RYR2: variants seen among roughly 807,000 people sequenced by gnomAD.
The protein encoded by RYR2 is ryanodine receptor 2.
In RYR2, 227 loss-of-function variants were observed where a neutral mutation model predicts 601.1. The ratio of observed to expected loss-of-function variants is 0.38; its 90% CI spans 0.34 to 0.42. The LOEUF (loss-of-function observed/expected upper bound fraction) is 0.42. Among genes scored for constraint, RYR2 ranks in the 10% least tolerant of loss-of-function variants. RYR2 has a pLI of 1.00. For missense variants in RYR2, 4,646 were observed against 6,156.5 expected (o/e 0.75, Z 8.21); for synonymous variants, 2,223 against 2,175.1 (o/e 1.02, Z -0.61).
At chr1:237,211,891 C>A (rs1682621198) in intron 1 of RYR2, among the ~76,000 whole-genome samples, 1 of 152,094 alleles carries the variant, frequency 6.6e-6, no homozygotes, top group Non-Finnish European at 1.5e-5. Flanking sequence ...GAGGTGTCAC[C>A]TTTATGGTGG....
intron 10 of RYR2, among the ~76,000 whole-genome samples, chr1:237,392,848 C>A (rs1371278050): frequency 6.6e-6 from 1 of 152,064 alleles, no homozygotes; most frequent in Non-Finnish European, 1.5e-5. Flanking sequence ...AATGTCGAAA[C>A]TTTTTATTGA....
chr1:237,109,362 G>A (rs1055210949), intron 1 of RYR2, among the ~76,000 whole-genome samples: 1 of 151,528 alleles, frequency 6.6e-6, no homozygotes, highest in Admixed American at 6.6e-5. Flanking sequence ...TTTTAAGTTG[G>A]CAAAGAATAT....
At chr1:237,213,707 T>C (rs1682836276) in intron 1 of RYR2, among the ~76,000 whole-genome samples, 1 of 151,978 alleles carries the variant, frequency 6.6e-6, no homozygotes, top group Non-Finnish European at 1.5e-5. Context: ...TATAGTGTGG[T>C]GCTTTTACAT....
chr1:237,245,970 T>C (rs1458445471), intron 1 of RYR2, among the ~76,000 whole-genome samples: 1 of 151,948 alleles, frequency 6.6e-6, no homozygotes, highest in East Asian at 1.9e-4. Flanking sequence ...TTAGTAGAAA[T>C]GGGGTTTCCC....
At chr1:237,156,960 T>G (rs1295963681) in intron 1 of RYR2, among the ~76,000 whole-genome samples, 1 of 152,110 alleles carries the variant, frequency 6.6e-6, no homozygotes, top group Non-Finnish European at 1.5e-5. Context: ...GTACAGCCAC[T>G]GTGGAGAACA....
chr1:237,199,753 A>G (rs1429279854), intron 1 of RYR2, among the ~76,000 whole-genome samples: 1 of 152,232 alleles, frequency 6.6e-6, no homozygotes, highest in African/African-American at 2.4e-5. Flanking sequence ...ATATGGTTGC[A>G]TAAATTCTCA....
chr1:237,584,092 G>T (rs1674232519), intron 29 of RYR2, among the ~76,000 whole-genome samples: 1 of 152,180 alleles, frequency 6.6e-6, no homozygotes, highest in African/African-American at 2.4e-5. Flanking sequence ...TCTGTTATTT[G>T]CAGGGTGTCA....
chr1:237,370,561 G>A (rs548603929), intron 6 of RYR2, among the ~76,000 whole-genome samples: 238 of 152,228 alleles, frequency 1.6e-3, no homozygotes, highest in African/African-American at 5.6e-3. Context: ...GGTAGAGGGG[G>A]AAGAACATCT....
intron 22 of RYR2, among the ~76,000 whole-genome samples, chr1:237,506,492 C>T (rs547389695): frequency 2.0e-5 from 3 of 151,038 alleles, no homozygotes; most frequent in South Asian, 4.2e-4. Flanking sequence ...GAGCAGAGAT[C>T]GCGCCACTGC....
At chr1:237,594,389 G>A (rs182817409) in intron 33 of RYR2, among the ~76,000 whole-genome samples, 3 of 152,100 alleles carry the variant, frequency 2.0e-5, no homozygotes, top group East Asian at 1.9e-4. Flanking sequence ...TCCTGCCCTC[G>A]GGTTGTAACA....
intron 17 of RYR2, among the ~76,000 whole-genome samples, chr1:237,481,733 A>C (rs1235004864): frequency 6.6e-6 from 1 of 150,502 alleles, no homozygotes; most frequent in East Asian, 2.0e-4. Context: ...TCTCAGATGC[A>C]CAGGCCCAGA....
chr1:237,161,647 T>C (rs1459663711), intron 1 of RYR2, among the ~76,000 whole-genome samples: 3 of 152,174 alleles, frequency 2.0e-5, no homozygotes, highest in Non-Finnish European at 4.4e-5. Context: ...TGGCAGACAG[T>C]GCTTTTCATA....
chr1:237,650,743 C>A (rs1682646316), intron 50 of RYR2, among the ~76,000 whole-genome samples: 1 of 152,148 alleles, frequency 6.6e-6, no homozygotes, highest in African/African-American at 2.4e-5. Flanking sequence ...AGCAGCCTGG[C>A]AGTCCCTGGG....
rs527441443 is a variant in RYR2, at chr1:237,459,462, C to T, written c.1612+2727C>T. ...GAATGTTTGAGGGTAGAAAGTGTTACGTGCAGAAAGAACATTGTTTTTTAG... is the reference window on the plus strand; with the variant it reads ...GAATGTTTGAGGGTAGAAAGTGTTATGTGCAGAAAGAACATTGTTTTTTAG... On this transcript the variant is annotated intron_variant, in intron 16 of 104. Coordinates refer to ENST00000366574, the MANE Select transcript of RYR2 (RefSeq NM_001035.3). 5.6e-4 allele frequency among the ~76,000 whole-genome samples: 85 copies of T among 152,200 alleles called. No homozygotes were observed. The Middle Eastern group carries it at 0.014, about 24-fold the overall frequency.
At chr1:237,256,842 T>C (rs1572381386) in intron 1 of RYR2, among the ~76,000 whole-genome samples, 1 of 152,186 alleles carries the variant, frequency 6.6e-6, no homozygotes, top group South Asian at 2.1e-4. Context: ...TTTTTTCTCC[T>C]TTACCAAAAA....
chr1:237,505,480 C>G lies in RYR2; in HGVS notation c.2614-1230C>G, dbSNP rs75980426. Among the ~76,000 whole-genome samples the G allele has an allele frequency of 1.0e-2, 1,521 of 152,232 alleles. 28 individuals carry two copies. Among genetic ancestry groups the G allele is most frequent in the African/African-American group, 0.033 (1,356 of 41,530 alleles). ...GCTCCTCAAATCGTATTTCTTGTTCCCCCTTTTTATATCATGTTGTTAAAA... is the reference window on the plus strand; with the variant it reads ...GCTCCTCAAATCGTATTTCTTGTTCGCCCTTTTTATATCATGTTGTTAAAA... On this transcript the variant is annotated intron_variant, in intron 22 of 104. Coordinates refer to ENST00000366574, the MANE Select transcript of RYR2 (RefSeq NM_001035.3).
rs1915781 is a variant in RYR2, at chr1:237,733,436, G to A, written c.11040-269G>A. Among the ~76,000 whole-genome samples, 114,339 of 152,026 alleles carry A rather than the reference G, an allele frequency of 0.75. 43,600 individuals are homozygous for A. The highest frequency in any genetic ancestry group is 0.87 in the African/African-American group (35,896 of 41,492). ...AGAAAATTAAAATTATTACATTTGT[G>A]TGTAAACCAAAAGACAGTTTATTTT... On this transcript the variant is annotated intron_variant, in intron 78 of 104. Transcript: ENST00000366574.
intron 63 of RYR2, among the ~76,000 whole-genome samples, chr1:237,688,977 A>G (rs1223454097): frequency 6.6e-6 from 1 of 152,176 alleles, no homozygotes; most frequent in Non-Finnish European, 1.5e-5. Context: ...TCCTAAGAAC[A>G]ACTTGGCTAG....
At chr1:237,623,685 C>A in intron 38 of RYR2, 80 bp from the exon 39 acceptor site, 1 of 877,070 alleles carries the variant, frequency 1.1e-6, no homozygotes, top group Non-Finnish European at 1.8e-6. Context: ...AGCCACTCCG[C>A]CCGGCCCTGC....
Sources: allele counts gnomAD v4.1 joint callset (sites outside exome capture counted in the v4.1 genomes callset), GRCh38; gene constraint gnomAD v4.1.1; transcripts MANE v1.5; gene names NCBI Gene and HGNC (gene_info 2026-07-23, HGNC 2026-07-21).